TMCO2: variants seen among roughly 807,000 people sequenced by gnomAD.
The protein encoded by TMCO2 is transmembrane and coiled-coil domains 2, also known as transmembrane and coiled-coil domain-containing protein 2.
In TMCO2, 15 loss-of-function variants were observed where a neutral mutation model predicts 18.0. That is an observed-to-expected ratio of 0.84 (90% CI 0.56 to 1.29). The LOEUF is 1.29. TMCO2 is among the 50% of genes most tolerant of loss of function. The pLI, the probability that TMCO2 is intolerant of heterozygous loss-of-function variation, is 0.00. For synonymous variants in TMCO2, 79 were observed against 75.9 expected (o/e 1.04, Z -0.21); for missense variants, 182 against 200.9 (o/e 0.91, Z 0.57).
In TMCO2 at chr1:40,251,268, G is replaced by A. The variant is rs1466775039; in HGVS notation, c.238-15G>A. 6.2e-7 allele frequency: 1 copy of A among 1,601,542 alleles called. No individual in the cohort carries two copies. Among genetic ancestry groups the A allele is most frequent in the East Asian group, 2.2e-5 (1 of 44,802 alleles). ...CTGTAGCAACTAACACTCAACTTCT[G>A]TTGTTCCATTTTAGAAAACATTGTT... On this transcript the variant is annotated splice_polypyrimidine_tract_variant and intron_variant, in intron 1 of 1. Coordinates refer to ENST00000372766, the MANE Select transcript of TMCO2 (RefSeq NM_001008740.4).
Position 40,251,663 on chromosome 1 carries a change from A to C in TMCO2, c.*69A>C. 1 of 1,501,440 alleles carries C rather than the reference A, an allele frequency of 6.7e-7. No individual in the cohort carries two copies. The highest frequency in any genetic ancestry group is 9.1e-7 in the Non-Finnish European group (1 of 1,103,898). The allele number at this position is 1,501,440 out of a possible 1,614,324, so 93.0% of individuals were successfully genotyped here. A position where few individuals can be genotyped will look rare whatever the true frequency, so the allele number is the denominator to read the frequency against. ...TCATGTGTGCAGTGGTGTATCAATA[A>C]AGATAGAGAACGCTATTGAAATTAC... On this transcript the variant is annotated 3_prime_UTR_variant, in exon 2 of 2. Transcript: ENST00000372766.
rs1553178359 is a variant in TMCO2 at position 40,250,318 on chromosome 1, A to AAAATATATATAT, written c.238-964_238-963insAATATATATATA. The stretch of plus-strand genomic sequence containing the variant: ...CCTATAATTTATTTTATATAAATAA[A>AAAATATATATAT]ATATATATATATATACATTAATTTT... On this transcript the variant is annotated intron_variant, in intron 1 of 1. Transcript: ENST00000372766. Among the ~76,000 whole-genome samples the AAAATATATATAT allele has an allele frequency of 2.1e-3, 302 of 145,798 alleles. 1 individual carries two copies. The highest frequency in any genetic ancestry group is 7.6e-3 in the African/African-American group (291 of 38,074).
At chr1:40,251,150 A>AG (rs1643380543) in intron 1 of TMCO2, 133 bp from the exon 2 acceptor site, 1 of 814,734 alleles carries the variant, frequency 1.2e-6, no homozygotes, top group East Asian at 2.9e-5. Flanking sequence ...AAAAAAAAAA[A>AG]AAAAAATTTG....
chr1:40,251,555 G>T lies in TMCO2; in HGVS notation c.510G>T (p.Gln170His). The T allele has an allele frequency of 6.2e-7, 1 of 1,612,116 alleles. No homozygotes were observed. The highest frequency in any genetic ancestry group is 1.3e-5 in the African/African-American group (1 of 74,884). ...CCTACTGCAGCTGCTCTGACTGCCA[G>T]AGTCCCTTGTCCACATCAGGGTTTA... ...SEPYCSCSDC[Q>H]SPLSTSGFTS... The change falls in exon 2 of 2, where the codon CAG becomes CAT. Residue 170 changes from glutamine to histidine, a missense_variant. Gln to His is a conservative substitution (Grantham distance 24, BLOSUM62 0). Coordinates refer to ENST00000372766, the MANE Select transcript of TMCO2 (RefSeq NM_001008740.4).
chr1:40,248,872 G>A (rs1380266041), intron 1 of TMCO2, among the ~76,000 whole-genome samples: 2 of 152,194 alleles, frequency 1.3e-5, no homozygotes, highest in Non-Finnish European at 2.9e-5. Context: ...AGAAACTGAG[G>A]TGCACTGAGG....
Position 40,250,654 on chromosome 1 carries a change from T to C in TMCO2, c.238-629T>C, listed in dbSNP as rs1363175656. ...CCTTGGACAATGACAGAGTTCAAAC[T>C]AGAAGGTATATAGTTATCCAGTTGT... On this transcript the variant is annotated intron_variant, in intron 1 of 1. Transcript: ENST00000372766. Among the ~76,000 whole-genome samples, 3 of 152,206 alleles carry C rather than the reference T, an allele frequency of 2.0e-5. No individual in the cohort carries two copies. The East Asian group carries it at 5.8e-4, about 29-fold the overall frequency.
At position 40,248,048 on chromosome 1, in the gene TMCO2, A is replaced by G. The variant is rs903296105; in HGVS notation, c.55A>G (p.Ser19Gly). 6.2e-7 allele frequency: 1 copy of G among 1,614,096 alleles called. No homozygotes were observed. The highest frequency in any genetic ancestry group is 8.5e-7 in the Non-Finnish European group (1 of 1,180,040). Reference sequence around the variant, plus strand: ...CAACCTCTTAGAGTCTCTCTCTCTCAGCACAGTATGGAATTGGATACAAGC... The same window carrying G: ...CAACCTCTTAGAGTCTCTCTCTCTCGGCACAGTATGGAATTGGATACAAGC... ...WDNLLESLSL[S>G]TVWNWIQASF... Residue 19 changes from serine (S) to glycine (G), a missense_variant, in exon 1 of 2, where the codon AGC becomes GGC. Ser to Gly is a moderately conservative substitution (Grantham distance 56). Coordinates refer to ENST00000372766, the MANE Select transcript of TMCO2 (RefSeq NM_001008740.4).
At position 40,249,255 on chromosome 1, in the gene TMCO2, ATGTGTGTGTGTGTG is replaced by A. The variant is rs3075101; in HGVS notation, c.237+1059_237+1072del. Among the ~76,000 whole-genome samples the A allele has an allele frequency of 7.5e-3, 1,050 of 139,934 alleles. 11 individuals carry two copies. Among genetic ancestry groups the A allele is most frequent in the African/African-American group, 0.026 (978 of 37,928 alleles). 91.8% of individuals were successfully genotyped at this position (139,934 alleles called of 152,430 possible). On this transcript the variant is annotated intron_variant, in intron 1 of 1. Coordinates refer to ENST00000372766, the MANE Select transcript of TMCO2 (RefSeq NM_001008740.4). ...CAACTGACCTAAATCTTGAACAGGA[ATGTGTGTGTGTGTG>A]TGTGTGTGTGTGTGTGTGTGTGTGT...
In TMCO2 at chr1:40,251,468, G is replaced by C; in HGVS notation, c.423G>C (p.Lys141Asn). 1 of 1,613,442 alleles carries C rather than the reference G, an allele frequency of 6.2e-7. No individual in the cohort carries two copies. Among genetic ancestry groups the C allele is most frequent in the Non-Finnish European group, 8.5e-7 (1 of 1,179,872 alleles). The change falls in exon 2 of 2, where the codon AAG becomes AAC. Residue 141 changes from lysine (K) to asparagine (N), a missense_variant. Coordinates refer to ENST00000372766, the MANE Select transcript of TMCO2 (RefSeq NM_001008740.4). Reference sequence around the variant, plus strand: ...TTAAGACAGTGGAAAACAAAATGAAGAACCTAGAAGGGATAATCGTTGCTC... The same window carrying C: ...TTAAGACAGTGGAAAACAAAATGAACAACCTAGAAGGGATAATCGTTGCTC... Reference protein sequence around the residue: ...KKLKTVENKMKNLEGIIVAQK... With the variant: ...KKLKTVENKMNNLEGIIVAQK...
chr1:40,249,054 T>C (rs541827688), intron 1 of TMCO2, among the ~76,000 whole-genome samples: 6 of 152,280 alleles, frequency 3.9e-5, no homozygotes, highest in African/African-American at 1.4e-4. Context: ...TTTTAAACCA[T>C]CACAATCCTG....
chr1:40,250,309 T>C (rs1209519581), intron 1 of TMCO2, among the ~76,000 whole-genome samples: 1 of 144,104 alleles, frequency 6.9e-6, no homozygotes, highest in Non-Finnish European at 1.5e-5. Context: ...ATTTATTTTA[T>C]ATAAATAAAA....
At chr1:40,249,945 G>C (rs1643367885) in intron 1 of TMCO2, among the ~76,000 whole-genome samples, 1 of 151,972 alleles carries the variant, frequency 6.6e-6, no homozygotes, top group African/African-American at 2.4e-5. Context: ...AAAGTGCTGG[G>C]ATTACAGGCA....
chr1:40,251,452 T>A lies in TMCO2; in HGVS notation c.407T>A (p.Val136Glu), dbSNP rs761970427. 6.2e-7 allele frequency: 1 copy of A among 1,613,436 alleles called. No individual in the cohort carries two copies. Among genetic ancestry groups the A allele is most frequent in the Admixed American group, 1.7e-5 (1 of 59,850 alleles). The change falls in exon 2 of 2, where the codon GTG becomes GAG. Residue 136 changes from valine to glutamate, a missense_variant. Val to Glu is a moderately radical substitution (Grantham distance 121, BLOSUM62 -2). Transcript: ENST00000372766. Reference sequence around the variant, plus strand: ...AAAATTTTGAAAAAACTTAAGACAGTGGAAAACAAAATGAAGAACCTAGAA... The same window carrying A: ...AAAATTTTGAAAAAACTTAAGACAGAGGAAAACAAAATGAAGAACCTAGAA... ...QEKILKKLKT[V>E]ENKMKNLEGI...
intron 1 of TMCO2, among the ~76,000 whole-genome samples, chr1:40,249,983 ATTTTTAT>A (rs145725780): frequency 0.052 from 7,831 of 151,392 alleles, 587 homozygotes; most frequent in African/African-American, 0.17. Flanking sequence ...CATATGCTTT[ATTTTTAT>A]TTTTTATTTT....
In TMCO2 at chr1:40,248,246, T is replaced by C; in HGVS notation, c.237+16T>C. 6.3e-7 allele frequency: 1 copy of C among 1,581,304 alleles called. No homozygotes were observed. The highest frequency in any genetic ancestry group is 8.7e-7 in the Non-Finnish European group (1 of 1,152,378). On this transcript the variant is annotated intron_variant, in intron 1 of 1. Transcript: ENST00000372766. ...GTCAATTCAGGTTATACTCTTTTGT[T>C]ACAAACATTTATATAGTTATAAATT...
At chr1:40,251,103 C>T (rs1419108106) in intron 1 of TMCO2, among the ~76,000 whole-genome samples, 180 bp from the exon 2 acceptor site, 1 of 145,836 alleles carries the variant, frequency 6.9e-6, no homozygotes, top group South Asian at 2.2e-4. Flanking sequence ...CGCCACAGCA[C>T]TCCAGCCTGG....
chr1:40,250,893 T>C (rs920855840), intron 1 of TMCO2, among the ~76,000 whole-genome samples: 1 of 152,118 alleles, frequency 6.6e-6, no homozygotes, highest in African/African-American at 2.4e-5. Flanking sequence ...ATCCCAGCAT[T>C]TTGGGAGGCC....
rs762587245 is a variant in TMCO2, at chr1:40,248,021, G to A, written c.28G>A (p.Asp10Asn). Residue 10 changes from aspartate to asparagine, a missense_variant, in exon 1 of 2, where the codon GAC (aspartate) becomes AAC (asparagine). Asp to Asn is a conservative substitution (Grantham distance 23, BLOSUM62 1). Transcript: ENST00000372766. The part of the protein sequence containing the change: MSTSSSSSW[D>N]NLLESLSLST... ...GTCAACATCTTCATCTTCTAGCTGG[G>A]ACAACCTCTTAGAGTCTCTCTCTCT... The A allele has an allele frequency of 3.1e-6, 5 of 1,614,024 alleles. No individual in the cohort carries two copies. In the African/African-American group the frequency reaches 5.3e-5, roughly 17 times the overall value.
rs1026057009 is a variant in TMCO2, at chr1:40,247,989, T to C, written c.-5T>C. On this transcript the variant is annotated 5_prime_UTR_variant, in exon 1 of 2. Coordinates refer to ENST00000372766, the MANE Select transcript of TMCO2 (RefSeq NM_001008740.4). The stretch of plus-strand genomic sequence containing the variant: ...ATGTAGTTCCTAGAGCTGCTGCTTA[T>C]TAAAATGTCAACATCTTCATCTTCT... The C allele has an allele frequency of 1.2e-5, 20 of 1,611,714 alleles. No homozygotes were observed. Among genetic ancestry groups the C allele is most frequent in the Non-Finnish European group, 1.6e-5 (19 of 1,177,932 alleles).
Sources: allele counts gnomAD v4.1 joint callset (sites outside exome capture counted in the v4.1 genomes callset), GRCh38; gene constraint gnomAD v4.1.1; transcripts MANE v1.5; gene names NCBI Gene and HGNC (gene_info 2026-07-23, HGNC 2026-07-21).